Variants in SFXN5 observed in about 807,000 individuals in gnomAD.
SFXN5 encodes sideroflexin 5.
A neutral mutation model predicts 50.2 loss-of-function variants in SFXN5; 43 were observed. That is an observed-to-expected ratio of 0.86 (90% CI 0.67 to 1.11). The LOEUF is 1.11. SFXN5 is among the 50% of genes least tolerant of loss of function. The pLI is 0.00. For synonymous variants in SFXN5, 203 were observed against 185.8 expected (o/e 1.09, Z -0.75); for missense variants, 463 against 454.1 (o/e 1.02, Z -0.18).
At chr2:72,964,818 C>G (rs935650987) in intron 12 of SFXN5, among the ~76,000 whole-genome samples, 1 of 152,228 alleles carries the variant, frequency 6.6e-6, no homozygotes, top group Non-Finnish European at 1.5e-5. Flanking sequence ...ATCAGAGGGG[C>G]TCCTTTGGAG....
intron 1 of SFXN5, among the ~76,000 whole-genome samples, chr2:73,062,780 A>G (rs540870546): frequency 1.3e-5 from 2 of 152,358 alleles, no homozygotes; most frequent in East Asian, 3.9e-4. Flanking sequence ...GGACACACAG[A>G]GTTCTTCCTA....
chr2:73,060,506 A>G (rs1682672072), intron 1 of SFXN5, among the ~76,000 whole-genome samples: 1 of 152,148 alleles, frequency 6.6e-6, no homozygotes, highest in Non-Finnish European at 1.5e-5. Context: ...CACATTAAAG[A>G]AACTAAAGAG....
intron 10 of SFXN5, among the ~76,000 whole-genome samples, chr2:72,985,523 T>G (rs1287972988): frequency 7.8e-6 from 1 of 127,822 alleles, no homozygotes; most frequent in Non-Finnish European, 1.5e-5. Context: ...CACTTGCAGA[T>G]GAGAGCGATG....
At position 72,993,154 on chromosome 2, in the gene SFXN5, T is replaced by A. The variant is rs1253417182; in HGVS notation, c.535-4806A>T. ...GGGGCACGCCTAAAAGGAGGGCCCCTCTTGGGTGGTAGATAATAATGTAAC... is the reference window on the plus strand; with the variant it reads ...GGGGCACGCCTAAAAGGAGGGCCCCACTTGGGTGGTAGATAATAATGTAAC... On this transcript the variant is annotated intron_variant, in intron 9 of 13. Transcript: ENST00000272433. Among the ~76,000 whole-genome samples the A allele has an allele frequency of 3.9e-5, 6 of 152,124 alleles. No homozygotes were observed. The East Asian group carries it at 1.2e-3, about 29-fold the overall frequency.
At chr2:73,059,011 C>G (rs1682517817) in intron 1 of SFXN5, 1 of 990,564 alleles carries the variant, frequency 1.0e-6, no homozygotes, top group Non-Finnish European at 1.2e-6. Flanking sequence ...TGCCTACCCG[C>G]CACAGGGTCC....
rs888105032 is a variant in SFXN5 at position 72,953,081 on chromosome 2, G to A, written c.946-7982C>T. On this transcript the variant is annotated intron_variant, in intron 13 of 13. Transcript: ENST00000272433. The surrounding 1 kb of genome is among the most constrained non-coding windows in gnomAD (Gnocchi z 4.1). ...CACCCGGGCATGTGTACATGTTCTT[G>A]CGTGCACGTGTATGTGTGCGAGCCT... is the stretch of plus-strand genomic sequence containing the variant. Among the ~76,000 whole-genome samples the A allele has an allele frequency of 6.6e-6, 1 of 152,188 alleles. No homozygotes were observed. Among genetic ancestry groups the A allele is most frequent in the African/African-American group, 2.4e-5 (1 of 41,452 alleles).
At chr2:72,969,718 A>G (rs1163306143) in intron 11 of SFXN5, among the ~76,000 whole-genome samples, 2 of 145,422 alleles carry the variant, frequency 1.4e-5, no homozygotes, top group African/African-American at 5.2e-5. Flanking sequence ...TTTTTTTAAC[A>G]TCTCTTAAAG....
chr2:72,998,734 C>T, intron 9 of SFXN5: 1 of 568,488 alleles, frequency 1.8e-6, no homozygotes, highest in Non-Finnish European at 3.1e-6. Context: ...ACCTCACCTC[C>T]CCACCTGCTC....
At chr2:72,995,937 C>T (rs192534690) in intron 9 of SFXN5, among the ~76,000 whole-genome samples, 40 of 152,328 alleles carry the variant, frequency 2.6e-4, no homozygotes, top group Admixed American at 1.4e-3. Context: ...GGCGGAGGGA[C>T]GCCGCCACCA....
intron 13 of SFXN5, among the ~76,000 whole-genome samples, chr2:72,956,596 T>C (rs1197683270): frequency 6.6e-6 from 1 of 152,198 alleles, no homozygotes. Context: ...ACTTTGGATC[T>C]TGGACAACGT....
intron 2 of SFXN5, chr2:73,053,526 T>C (rs367694857): frequency 1.3e-5 from 2 of 152,366 alleles, no homozygotes; most frequent in Middle Eastern, 2.9e-3. Flanking sequence ...GTTCAAGGCA[T>C]TCTTAGAACA....
At position 72,961,574 on chromosome 2, in the gene SFXN5, G is replaced by C. The variant is rs1673753380; in HGVS notation, c.828-326C>G. On this transcript the variant is annotated intron_variant, in intron 12 of 13. Coordinates refer to ENST00000272433, the MANE Select transcript of SFXN5 (RefSeq NM_144579.3). The surrounding 1 kb of genome is among the most constrained non-coding windows in gnomAD (Gnocchi z 4.4). ...CCCGTGCCAAGAAGGCCCTATGTGGGAGAGACACTCAAAGAGGCTGTCGGC... is the reference window on the plus strand; with the variant it reads ...CCCGTGCCAAGAAGGCCCTATGTGGCAGAGACACTCAAAGAGGCTGTCGGC... Among the ~76,000 whole-genome samples the C allele has an allele frequency of 6.6e-6, 1 of 152,188 alleles. No individual in the cohort carries two copies. Among genetic ancestry groups the C allele is most frequent in the Non-Finnish European group, 1.5e-5 (1 of 68,030 alleles).
intron 10 of SFXN5, among the ~76,000 whole-genome samples, chr2:72,974,120 T>C (rs1670352151): frequency 6.6e-6 from 1 of 152,168 alleles, no homozygotes; most frequent in South Asian, 2.1e-4. Context: ...CTCCATGGGA[T>C]TTCTGGGTGC....
intron 6 of SFXN5, among the ~76,000 whole-genome samples, chr2:73,016,890 T>C (rs1013335346): frequency 6.6e-6 from 1 of 152,144 alleles, no homozygotes; most frequent in Non-Finnish European, 1.5e-5. Flanking sequence ...ATGCGGAACA[T>C]AGAAGGCAAT....
chr2:73,069,073 G>T (rs1367787054), intron 1 of SFXN5, among the ~76,000 whole-genome samples: 1 of 152,116 alleles, frequency 6.6e-6, no homozygotes, highest in African/African-American at 2.4e-5. Context: ...TAGTCAGTGG[G>T]GTGGGCCATG....
chr2:73,037,930 C>T (rs996908980), intron 3 of SFXN5, among the ~76,000 whole-genome samples: 16 of 152,176 alleles, frequency 1.1e-4, no homozygotes, highest in African/African-American at 3.6e-4. Flanking sequence ...AGACCTGGAA[C>T]TCGGAGGTAG....
intron 6 of SFXN5, among the ~76,000 whole-genome samples, chr2:73,010,832 A>C (rs1161648393): frequency 6.6e-6 from 1 of 152,248 alleles, no homozygotes; most frequent in East Asian, 1.9e-4. Flanking sequence ...TTAGAAAATA[A>C]CAACATAAGA....
At chr2:72,965,604 A>C (rs753306194) in intron 12 of SFXN5, among the ~76,000 whole-genome samples, 6 of 152,174 alleles carry the variant, frequency 3.9e-5, no homozygotes, top group African/African-American at 7.2e-5. Flanking sequence ...GGAGCCCCAC[A>C]GCCTGCCCAT....
At chr2:73,052,948 C>T (rs1277505539) in intron 2 of SFXN5, among the ~76,000 whole-genome samples, 1 of 152,190 alleles carries the variant, frequency 6.6e-6, no homozygotes, top group Non-Finnish European at 1.5e-5. Context: ...GAGGCCAAGG[C>T]GGGCAGATCA....
Sources: allele counts gnomAD v4.1 joint callset (sites outside exome capture counted in the v4.1 genomes callset), GRCh38; gene constraint gnomAD v4.1.1; non-coding constraint Gnocchi (gnomAD v3.1); transcripts MANE v1.5; gene names NCBI Gene and HGNC (gene_info 2026-07-23, HGNC 2026-07-21).